LIN9: variants seen among roughly 807,000 people sequenced by gnomAD.
LIN9 encodes the protein lin-9 DREAM MuvB core complex component.
Under a neutral mutation model 78.0 loss-of-function variants are expected in LIN9, and 18 were observed. The ratio of observed to expected loss-of-function variants is 0.23; its 90% CI spans 0.16 to 0.34. LIN9 has a LOEUF of 0.34. LIN9 is among the 10% of genes least tolerant of loss of function. The probability of loss-of-function intolerance (pLI) is 1.00; values close to 1 mark genes in which losing one functional copy is unlikely to be tolerated. For synonymous variants in LIN9, 192 were observed against 215.2 expected (o/e 0.89, Z 0.94); for missense variants, 451 against 644.1 (o/e 0.70, Z 3.25).
intron 3 of LIN9, 93 bp downstream of exon 3, chr1:226,297,626 A>ATT (rs11390947): frequency 2.5e-6 from 2 of 796,040 alleles, no homozygotes; most frequent in Admixed American, 2.9e-5. Flanking sequence ...AAACTTGTAA[A>ATT]TTTTTTACTG....
At position 226,278,957 on chromosome 1, in the gene LIN9, TA is replaced by T. The variant is rs398053860; in HGVS notation, c.525-1026del. On this transcript the variant is annotated intron_variant, in intron 6 of 14. Transcript: ENST00000681046. ...TAACATGGTGAAACCCCGTCTCTACTAAAAAAAAAAAAAAAACCAAAAAACA... is the reference window on the plus strand; with the variant it reads ...TAACATGGTGAAACCCCGTCTCTACTAAAAAAAAAAAAAAACCAAAAAACA... 5.5e-3 allele frequency among the ~76,000 whole-genome samples: 637 copies of T among 115,662 alleles called. 2 individuals carry two copies. The highest frequency in any genetic ancestry group is 7.7e-3 in the African/African-American group (230 of 29,756). 75.9% of individuals were successfully genotyped at this position (115,662 alleles called of 152,430 possible).
chr1:226,269,364 T>C (rs1482976288), intron 7 of LIN9, among the ~76,000 whole-genome samples: 3 of 152,140 alleles, frequency 2.0e-5, no homozygotes, highest in Admixed American at 6.5e-5. Context: ...CTAGTTATGG[T>C]GGCATGAAGA....
At chr1:226,283,993 T>C (rs1026432014) in intron 6 of LIN9, among the ~76,000 whole-genome samples, 2 of 152,088 alleles carry the variant, frequency 1.3e-5, no homozygotes, top group African/African-American at 4.8e-5. Flanking sequence ...CAAGATTAAG[T>C]AAAACTCTCT....
At chr1:226,289,838 G>GGGGT (rs1553283395) in intron 4 of LIN9, among the ~76,000 whole-genome samples, 5 of 59,108 alleles carry the variant, frequency 8.5e-5, no homozygotes, top group Non-Finnish European at 1.4e-4. Context: ...GTCCTCCGGG[G>GGGGT]GGGGGGGTGG....
rs139542314 is a variant in LIN9, at chr1:226,240,294, G to A, written c.1120-1198C>T. 4.6e-4 allele frequency among the ~76,000 whole-genome samples: 70 copies of A among 152,156 alleles called. 1 individual carries two copies. In the East Asian group the frequency reaches 0.013, roughly 27 times the overall value. On this transcript the variant is annotated intron_variant, in intron 11 of 14. Transcript: ENST00000681046. Reference sequence around the variant, plus strand: ...GCGTCTTGCTATGTTGCCCAGGCTAGACTCGAACTCCTGGCCTGAAGCCAT... The same window carrying A: ...GCGTCTTGCTATGTTGCCCAGGCTAAACTCGAACTCCTGGCCTGAAGCCAT...
intron 10 of LIN9, among the ~76,000 whole-genome samples, chr1:226,258,204 A>G (rs1316871730): frequency 7.7e-6 from 1 of 129,334 alleles, no homozygotes; most frequent in African/African-American, 2.7e-5. Flanking sequence ...ACAAACAAAC[A>G]AACAAACAAA....
rs1002108913 is a variant in LIN9, at chr1:226,302,564, C to A, written c.32-1359G>T. ...TCCATGTCCAAAAAAAAAAAAAAAACAAACCAATAGAGAAAGAAGCTTTTT... is the reference window on the plus strand; with the variant it reads ...TCCATGTCCAAAAAAAAAAAAAAAAAAAACCAATAGAGAAAGAAGCTTTTT... On this transcript the variant is annotated intron_variant, in intron 1 of 14. Transcript: ENST00000681046. 5.8e-3 allele frequency among the ~76,000 whole-genome samples: 787 copies of A among 135,890 alleles called. 2 individuals are homozygous for A. Among genetic ancestry groups the A allele is most frequent in the Non-Finnish European group, 8.7e-3 (539 of 62,168 alleles). 89.1% of individuals were successfully genotyped at this position (135,890 alleles called of 152,430 possible).
chr1:226,286,563 A>T (rs1435584768), intron 5 of LIN9, 105 bp from the exon 6 acceptor site: 19 of 788,790 alleles, frequency 2.4e-5, no homozygotes, highest in Admixed American at 3.2e-5. Context: ...CCATATATAT[A>T]TATAAACTGG....
intron 10 of LIN9, among the ~76,000 whole-genome samples, chr1:226,255,432 GA>G: frequency 6.6e-6 from 1 of 152,230 alleles, no homozygotes; most frequent in East Asian, 1.9e-4. Flanking sequence ...ATAAGAGGAG[GA>G]AAAACTGAGG....
At chr1:226,297,492 A>G (rs1051374066) in intron 3 of LIN9, among the ~76,000 whole-genome samples, 1 of 152,214 alleles carries the variant, frequency 6.6e-6, no homozygotes, top group Admixed American at 6.5e-5. Context: ...TGTTTTTCCT[A>G]TTTAAAGAAA....
At chr1:226,245,920 TGATA>T (rs771533414) in intron 11 of LIN9, among the ~76,000 whole-genome samples, 4 of 152,240 alleles carry the variant, frequency 2.6e-5, no homozygotes, top group Non-Finnish European at 4.4e-5. Flanking sequence ...CTAATTAGCT[TGATA>T]AATATTCATC....
At chr1:226,286,498 G>A in intron 5 of LIN9, 40 bp from the exon 6 acceptor site, 1 of 1,455,922 alleles carries the variant, frequency 6.9e-7, no homozygotes, top group Non-Finnish European at 9.3e-7. Context: ...TACATACAAT[G>A]TGTTACTTTC....
chr1:226,267,242 T>C (rs1659978878), intron 8 of LIN9, among the ~76,000 whole-genome samples: 1 of 147,442 alleles, frequency 6.8e-6, no homozygotes, highest in African/African-American at 2.5e-5. Context: ...TATATATATA[T>C]ATATATATAT....
chr1:226,288,346 A>G (rs1661506406), intron 4 of LIN9, among the ~76,000 whole-genome samples: 1 of 152,240 alleles, frequency 6.6e-6, no homozygotes, highest in African/African-American at 2.4e-5. Flanking sequence ...TAATATTAAA[A>G]GACGATGAGA....
chr1:226,296,107 A>G (rs1662132352), intron 3 of LIN9, among the ~76,000 whole-genome samples, 161 bp from the exon 4 acceptor site: 1 of 152,232 alleles, frequency 6.6e-6, no homozygotes, highest in Non-Finnish European at 1.5e-5. Flanking sequence ...AATATAAATA[A>G]TCTCAGATTT....
At chr1:226,258,759 C>T (rs1157649862) in intron 10 of LIN9, among the ~76,000 whole-genome samples, 4 of 150,920 alleles carry the variant, frequency 2.7e-5, no homozygotes, top group South Asian at 2.1e-4. Context: ...GGCATGGTGG[C>T]GGGCACCTGT....
rs780260008 is a variant in LIN9 at position 226,232,623 on chromosome 1, C to G, written c.1524-17G>C. 1 of 1,469,824 alleles carries G rather than the reference C, an allele frequency of 6.8e-7. No homozygotes were observed. Among genetic ancestry groups the G allele is most frequent in the Non-Finnish European group, 9.4e-7 (1 of 1,067,662 alleles). 91.0% of individuals were successfully genotyped at this position (1,469,824 alleles called of 1,614,324 possible). A position where few individuals can be genotyped will look rare whatever the true frequency, so the allele number is the denominator to read the frequency against. On this transcript the variant is annotated splice_polypyrimidine_tract_variant and intron_variant, in intron 14 of 14. Transcript: ENST00000681046. ...TGAAAGCAACTAAAGAAAGAAGAAA[C>G]ATGGTTAACTACTTTATTTCAAAAA...
intron 4 of LIN9, among the ~76,000 whole-genome samples, chr1:226,289,312 A>G (rs1032874032): frequency 6.6e-6 from 1 of 152,120 alleles, no homozygotes; most frequent in Non-Finnish European, 1.5e-5. Context: ...AAAACACAGT[A>G]TAAAGTCATG....
intron 1 of LIN9, among the ~76,000 whole-genome samples, chr1:226,308,091 G>C (rs1473629473): frequency 6.6e-6 from 1 of 152,202 alleles, no homozygotes; most frequent in African/African-American, 2.4e-5. Context: ...GCATAGATAA[G>C]ATTCAATAGT....
Sources: allele counts gnomAD v4.1 joint callset (sites outside exome capture counted in the v4.1 genomes callset), GRCh38; gene constraint gnomAD v4.1.1; transcripts MANE v1.5; gene names NCBI Gene and HGNC (gene_info 2026-07-23, HGNC 2026-07-21).